Variants in GPC5 observed in about 807,000 individuals in gnomAD.
GPC5 encodes the protein glypican 5.
In GPC5, 47 loss-of-function variants were observed where a neutral mutation model predicts 53.9. That is an observed-to-expected ratio of 0.87 (90% CI 0.69 to 1.11). GPC5 has a LOEUF of 1.11. GPC5 is among the 50% of genes most tolerant of loss of function. The pLI is 0.00. For synonymous variants in GPC5, 286 were observed against 263.3 expected, an observed-to-expected ratio of 1.09 and a Z score of -0.84; for missense variants, 748 against 713.1, an observed-to-expected ratio of 1.05 and a Z score of -0.56.
chr13:92,574,575 CTATT>C (rs2139044963), intron 7 of GPC5, among the ~76,000 whole-genome samples: 1 of 152,250 alleles, frequency 6.6e-6, no homozygotes, highest in Admixed American at 6.5e-5. Context: ...CTTTGATTCT[CTATT>C]TATATTCATG....
intron 1 of GPC5, among the ~76,000 whole-genome samples, chr13:91,407,982 C>A: frequency 6.6e-6 from 1 of 152,124 alleles, no homozygotes; most frequent in Non-Finnish European, 1.5e-5. Context: ...AAGCACAGTA[C>A]AGATGCATTG....
At chr13:92,281,434 C>T (rs1341206003) in intron 7 of GPC5, among the ~76,000 whole-genome samples, 3 of 152,216 alleles carry the variant, frequency 2.0e-5, no homozygotes, top group African/African-American at 7.2e-5. Context: ...GATCTGAGAA[C>T]AGACAGACTG....
intron 2 of GPC5, among the ~76,000 whole-genome samples, chr13:91,559,617 C>T (rs929492352): frequency 3.9e-5 from 6 of 152,088 alleles, no homozygotes; most frequent in African/African-American, 1.4e-4. Context: ...TATACTTGGA[C>T]CCACATGAAA....
chr13:92,071,850 G>A (rs1036360125), intron 6 of GPC5, among the ~76,000 whole-genome samples: 24 of 145,172 alleles, frequency 1.7e-4, no homozygotes, highest in African/African-American at 4.8e-4. Context: ...TATATATAAC[G>A]AATTTATTAT....
rs192586722 is a variant in GPC5, at chr13:92,669,356, A to C, written c.1562-196926A>C. 3.9e-5 allele frequency among the ~76,000 whole-genome samples: 6 copies of C among 152,084 alleles called. No individual in the cohort carries two copies. The South Asian group carries it at 6.2e-4, about 16-fold the overall frequency. ...TCTTTCCTCCTCTCTCTACTCAAAA[A>C]CTACCCAGAGAGCATGACAGCAGCC... On this transcript the variant is annotated intron_variant, in intron 7 of 7. Coordinates refer to ENST00000377067, the MANE Select transcript of GPC5 (RefSeq NM_004466.6).
intron 7 of GPC5, among the ~76,000 whole-genome samples, chr13:92,316,549 A>G (rs1177962950): frequency 2.6e-5 from 4 of 152,154 alleles, no homozygotes; most frequent in Non-Finnish European, 5.9e-5. Flanking sequence ...AAAGAAAAGT[A>G]CAATAAAACT....
intron 7 of GPC5, among the ~76,000 whole-genome samples, chr13:92,358,648 G>T (rs2139278104): frequency 6.6e-6 from 1 of 151,898 alleles, no homozygotes; most frequent in Non-Finnish European, 1.5e-5. Flanking sequence ...TGCTCTCTGT[G>T]CACCTACAGG....
At chr13:92,128,169 CCTGT>C (rs1465565394) in intron 6 of GPC5, among the ~76,000 whole-genome samples, 2 of 152,074 alleles carry the variant, frequency 1.3e-5, no homozygotes, top group Non-Finnish European at 2.9e-5. Flanking sequence ...TGCTGGTATC[CCTGT>C]CTGTCATTCA....
At chr13:92,613,491 TA>T (rs1295369957) in intron 7 of GPC5, among the ~76,000 whole-genome samples, 9 of 103,520 alleles carry the variant, frequency 8.7e-5, no homozygotes, top group Admixed American at 1.5e-4. Context: ...TATAAATATG[TA>T]ATATATAATT....
intron 7 of GPC5, among the ~76,000 whole-genome samples, chr13:92,363,978 A>G (rs2139285222): frequency 6.6e-6 from 1 of 151,922 alleles, no homozygotes; most frequent in African/African-American, 2.4e-5. Flanking sequence ...AGTAGAGGAA[A>G]ACATGCTCAT....
chr13:91,813,199 G>T (rs1438835751), intron 5 of GPC5, among the ~76,000 whole-genome samples: 1 of 152,148 alleles, frequency 6.6e-6, no homozygotes, highest in East Asian at 1.9e-4. Flanking sequence ...ATAAAACAGG[G>T]TTTATGTGTG....
intron 3 of GPC5, among the ~76,000 whole-genome samples, chr13:91,709,710 A>T (rs2036185467): frequency 6.6e-6 from 1 of 152,246 alleles, no homozygotes; most frequent in South Asian, 2.1e-4. Context: ...ATTGATTTGC[A>T]GATGCCCAAA....
At chr13:91,556,290 T>G (rs2030943653) in intron 2 of GPC5, among the ~76,000 whole-genome samples, 1 of 151,994 alleles carries the variant, frequency 6.6e-6, no homozygotes, top group South Asian at 2.1e-4. Flanking sequence ...ATAGTTTTTT[T>G]GGGTGCCATT....
intron 7 of GPC5, among the ~76,000 whole-genome samples, chr13:92,657,530 G>T (rs1202979977): frequency 1.3e-5 from 2 of 149,986 alleles, no homozygotes; most frequent in South Asian, 2.1e-4. Flanking sequence ...GACACAACTG[G>T]CACGGAAGAG....
chr13:92,746,359 G>A lies in GPC5; in HGVS notation c.1562-119923G>A, dbSNP rs1317569585. On this transcript the variant is annotated intron_variant, in intron 7 of 7. Coordinates refer to ENST00000377067, the MANE Select transcript of GPC5 (RefSeq NM_004466.6). ...CAAGTGAGACTTTTCAAGTAATAAGGAAAGGTTTTTGGAAATTTAGAGAAT... is the reference window on the plus strand; with the variant it reads ...CAAGTGAGACTTTTCAAGTAATAAGAAAAGGTTTTTGGAAATTTAGAGAAT... Among the ~76,000 whole-genome samples the A allele has an allele frequency of 2.6e-5, 4 of 152,100 alleles. 1 individual carries two copies.
At chr13:92,226,870 G>C (rs1170071802) in intron 7 of GPC5, among the ~76,000 whole-genome samples, 1 of 151,984 alleles carries the variant, frequency 6.6e-6, no homozygotes, top group South Asian at 2.1e-4. Flanking sequence ...AAAGTCCTGC[G>C]ATTGCAGGCG....
At chr13:92,226,509 A>G (rs553949228) in intron 7 of GPC5, among the ~76,000 whole-genome samples, 10 of 152,342 alleles carry the variant, frequency 6.6e-5, no homozygotes, top group African/African-American at 2.2e-4. Flanking sequence ...ACTCCTGAAA[A>G]GCACACAAAA....
At chr13:92,851,839 G>A (rs1396142715) in intron 7 of GPC5, among the ~76,000 whole-genome samples, 1 of 140,782 alleles carries the variant, frequency 7.1e-6, no homozygotes, top group Non-Finnish European at 1.5e-5. Context: ...AGTGAGCCAA[G>A]ATGGCCCCAG....
chr13:92,613,441 T>TG (rs1555295351), intron 7 of GPC5, among the ~76,000 whole-genome samples: 13,278 of 57,238 alleles, frequency 0.23, 2,204 homozygotes, highest in Middle Eastern at 0.34. Flanking sequence ...TATATATAAA[T>TG]ATATATATTT....
Sources: gnomAD v4.1 joint callset for allele counts (sites outside exome capture counted in the v4.1 genomes callset) on GRCh38, gnomAD v4.1.1 for gene constraint, MANE v1.5 for transcripts, NCBI Gene and HGNC (gene_info 2026-07-23, HGNC 2026-07-21) for gene names.